Variants in PDZRN3 observed in about 807,000 individuals in gnomAD.
PDZRN3 encodes PDZ domain containing ring finger 3.
In PDZRN3, 38 loss-of-function variants were observed where a neutral mutation model predicts 85.7. The observed-to-expected ratio is 0.44, with a 90% CI of 0.34 to 0.58. The LOEUF is 0.58. Among genes scored for constraint, PDZRN3 ranks in the 20% least tolerant of loss-of-function variants. The pLI is 0.01. For synonymous variants in PDZRN3, 759 were observed against 638.0 expected, an observed-to-expected ratio of 1.19 and a Z score of -2.86; for missense variants, 1,629 against 1,506.4, an observed-to-expected ratio of 1.08 and a Z score of -1.35.
At chr3:73,499,227 T>A (rs1043423596) in intron 3 of PDZRN3, among the ~76,000 whole-genome samples, 22 of 152,190 alleles carry the variant, frequency 1.4e-4, no homozygotes, top group Non-Finnish European at 7.3e-5. Flanking sequence ...GGGCACTGGT[T>A]ACAAACATCA....
chr3:73,399,143 C>A lies in PDZRN3; in HGVS notation c.1254+1779G>T, dbSNP rs190436493. 1.3e-3 allele frequency among the ~76,000 whole-genome samples: 192 copies of A among 152,246 alleles called. 1 individual carries two copies. Among genetic ancestry groups the A allele is most frequent in the Non-Finnish European group, 1.1e-3 (73 of 68,020 alleles). ...AGAAACTAAAAAAAGAACTAAAGAACCCACTGCTACAAAGTCAAGTTTAAC... is the reference window on the plus strand; with the variant it reads ...AGAAACTAAAAAAAGAACTAAAGAAACCACTGCTACAAAGTCAAGTTTAAC... On this transcript the variant is annotated intron_variant, in intron 5 of 9. Transcript: ENST00000263666.
intron 5 of PDZRN3, among the ~76,000 whole-genome samples, chr3:73,391,666 G>A (rs147854238): frequency 1.9e-3 from 292 of 152,272 alleles, no homozygotes; most frequent in African/African-American, 6.8e-3. Flanking sequence ...AGTTTCAGCC[G>A]CTATTACTGC....
intron 3 of PDZRN3, among the ~76,000 whole-genome samples, chr3:73,533,290 C>A (rs1315413989): frequency 6.6e-6 from 1 of 152,108 alleles, no homozygotes; most frequent in South Asian, 2.1e-4. Context: ...AGCACATAAG[C>A]CAACTGCAAT....
rs141741226 is a variant in PDZRN3, at chr3:73,552,695, G to A, written c.918+49659C>T. 1.9e-3 allele frequency among the ~76,000 whole-genome samples: 293 copies of A among 152,316 alleles called. 1 individual carries two copies. The highest frequency in any genetic ancestry group is 3.4e-3 in the Middle Eastern group (1 of 294). On this transcript the variant is annotated intron_variant, in intron 3 of 9. Coordinates refer to ENST00000263666, the MANE Select transcript of PDZRN3 (RefSeq NM_015009.3). The stretch of plus-strand genomic sequence containing the variant: ...GAATTCTAACTGGACCTATCCAGAT[G>A]TATGTTTACGGATTATTTGCCCAAG...
At chr3:73,441,834 A>T (rs1702642794) in intron 3 of PDZRN3, among the ~76,000 whole-genome samples, 1 of 152,242 alleles carries the variant, frequency 6.6e-6, no homozygotes, top group African/African-American at 2.4e-5. Flanking sequence ...GCCGATCAAC[A>T]TACAGAGTCT....
intron 3 of PDZRN3, chr3:73,593,882 T>C (rs1387326941): frequency 6.6e-6 from 1 of 152,162 alleles, no homozygotes; most frequent in Non-Finnish European, 1.5e-5. Context: ...CAAAGACTAA[T>C]ATAAATGCCT....
intron 3 of PDZRN3, among the ~76,000 whole-genome samples, chr3:73,517,162 C>T (rs1704271284): frequency 6.6e-6 from 1 of 152,208 alleles, no homozygotes; most frequent in Non-Finnish European, 1.5e-5. Flanking sequence ...AAAGGTGATA[C>T]AGTGGAAAGA....
chr3:73,480,612 G>C (rs1329245542), intron 3 of PDZRN3, among the ~76,000 whole-genome samples: 2 of 152,148 alleles, frequency 1.3e-5, no homozygotes, highest in Non-Finnish European at 2.9e-5. Context: ...CCATCACCCA[G>C]AGTGCACGCT....
chr3:73,556,915 G>C (rs977671053), intron 3 of PDZRN3: 1 of 152,714 alleles, frequency 6.5e-6, no homozygotes, highest in African/African-American at 2.4e-5. Context: ...CCTGGCATCT[G>C]CCCCTTGGAA....
intron 3 of PDZRN3, among the ~76,000 whole-genome samples, chr3:73,436,236 G>A (rs558829275): frequency 6.6e-6 from 1 of 152,328 alleles, no homozygotes; most frequent in South Asian, 2.1e-4. Flanking sequence ...TGTGTTTGCT[G>A]ACTGTTTCCT....
At chr3:73,506,483 G>C (rs1222031664) in intron 3 of PDZRN3, among the ~76,000 whole-genome samples, 1 of 152,016 alleles carries the variant, frequency 6.6e-6, no homozygotes. Context: ...AAATACAATT[G>C]GCTAATGAAA....
chr3:73,488,074 A>G lies in PDZRN3; in HGVS notation c.919-83679T>C, dbSNP rs554272917. Among the ~76,000 whole-genome samples, 6 of 65,456 alleles carry G rather than the reference A, an allele frequency of 9.2e-5. No individual in the cohort carries two copies. The African/African-American group carries it at 1.1e-3, about 12-fold the overall frequency. The allele number at this position is 65,456 out of a possible 152,430, so 42.9% of individuals were successfully genotyped here. ...TTTCAAGGGGGCAAATGAAAGGCAC[A>G]AAGTGTTCTGAGTTTTAAATTAACT... On this transcript the variant is annotated intron_variant, in intron 3 of 9. Transcript: ENST00000263666.
chr3:73,511,580 C>A (rs568420134), intron 3 of PDZRN3, among the ~76,000 whole-genome samples: 1 of 152,280 alleles, frequency 6.6e-6, no homozygotes, highest in African/African-American at 2.4e-5. Context: ...CAATCCCAAC[C>A]CGGAGCCAAT....
rs1396661280 is a variant in PDZRN3, at chr3:73,492,871, A to G, written c.919-88476T>C. Among the ~76,000 whole-genome samples the G allele has an allele frequency of 2.6e-5, 4 of 152,240 alleles. No homozygotes were observed. The East Asian group carries it at 7.7e-4, about 29-fold the overall frequency. On this transcript the variant is annotated intron_variant, in intron 3 of 9. Coordinates refer to ENST00000263666, the MANE Select transcript of PDZRN3 (RefSeq NM_015009.3). ...CATTACATATTGTATGCATGTATTGAAATATCATATGTACCACATAAATAT... is the reference window on the plus strand; with the variant it reads ...CATTACATATTGTATGCATGTATTGGAATATCATATGTACCACATAAATAT...
At chr3:73,532,844 T>C (rs938037346) in intron 3 of PDZRN3, among the ~76,000 whole-genome samples, 18 of 152,314 alleles carry the variant, frequency 1.2e-4, no homozygotes, top group African/African-American at 4.3e-4. Context: ...ATTGTGGTAA[T>C]GTAAGAAGCG....
intron 5 of PDZRN3, among the ~76,000 whole-genome samples, chr3:73,398,634 C>A (rs1701688701): frequency 6.6e-6 from 1 of 152,212 alleles, no homozygotes. Context: ...CTCTCAGGTG[C>A]TTCATGCTTT....
At chr3:73,511,479 G>A (rs1704163814) in intron 3 of PDZRN3, among the ~76,000 whole-genome samples, 1 of 152,196 alleles carries the variant, frequency 6.6e-6, no homozygotes, top group South Asian at 2.1e-4. Flanking sequence ...GGTTTTGCTT[G>A]TGCATTTGGA....
At chr3:73,440,553 C>T (rs936126596) in intron 3 of PDZRN3, among the ~76,000 whole-genome samples, 12 of 152,154 alleles carry the variant, frequency 7.9e-5, no homozygotes, top group Non-Finnish European at 1.6e-4. Context: ...CTTGGAGGTC[C>T]CAGAACACAC....
At chr3:73,604,576 T>C (rs1702566094) in intron 2 of PDZRN3, among the ~76,000 whole-genome samples, 1 of 151,982 alleles carries the variant, frequency 6.6e-6, no homozygotes, top group Admixed American at 6.5e-5. Context: ...AGTCCAACAT[T>C]TCAGGCTATG....
Sources: allele counts gnomAD v4.1 joint callset (sites outside exome capture counted in the v4.1 genomes callset), GRCh38; gene constraint gnomAD v4.1.1; transcripts MANE v1.5; gene names NCBI Gene and HGNC (gene_info 2026-07-23, HGNC 2026-07-21).